LYST: variants seen among roughly 807,000 people sequenced by gnomAD.
LYST encodes lysosomal-trafficking regulator.
A neutral mutation model predicts 413.6 loss-of-function variants in LYST; 192 were observed. That is an observed-to-expected ratio of 0.46 (90% CI 0.41 to 0.52). The LOEUF (loss-of-function observed/expected upper bound fraction) is 0.52, where lower values mean the gene tolerates loss of function less well. Among genes scored for constraint, LYST ranks in the 20% least tolerant of loss-of-function variants. The pLI, the probability that LYST is intolerant of heterozygous loss-of-function variation, is 0.00. For missense variants in LYST, 3,815 were observed against 4,499.9 expected (o/e 0.85, Z 4.35); for synonymous variants, 1,525 against 1,567.3 (o/e 0.97, Z 0.64).
Position 235,833,607 on chromosome 1 carries a change from A to T in LYST, c.-37T>A, listed in dbSNP as rs1405104297. On this transcript the variant is annotated 5_prime_UTR_variant, in exon 2 of 53. Coordinates refer to ENST00000389793, the MANE Select transcript of LYST (RefSeq NM_000081.4). ...CTTTCACCACTGCTGTGACATTTAC[A>T]GTCTATATCATTTGGACTCATAAAC... The T allele has an allele frequency of 1.1e-6, 1 of 936,708 alleles. No individual in the cohort carries two copies. The highest frequency in any genetic ancestry group is 1.3e-6 in the Non-Finnish European group (1 of 785,538). 58.0% of individuals were successfully genotyped at this position (936,708 alleles called of 1,614,324 possible).
At chr1:235,751,491 T>C (rs2103307408) in intron 27 of LYST, 129 bp from the exon 28 acceptor site, 1 of 762,576 alleles carries the variant, frequency 1.3e-6, no homozygotes, top group Non-Finnish European at 2.2e-6. Context: ...ATGGGGATGA[T>C]GGTAGTAGAC....
intron 34 of LYST, 146 bp from the exon 35 acceptor site, chr1:235,731,323 T>C (rs1481733308): frequency 3.0e-5 from 22 of 730,714 alleles, no homozygotes; most frequent in Non-Finnish European, 4.5e-5. Flanking sequence ...GATCAGGGAA[T>C]GCATATACAA....
chr1:235,824,259 CCA>C (rs1268142267), intron 3 of LYST, among the ~76,000 whole-genome samples: 1 of 152,136 alleles, frequency 6.6e-6, no homozygotes, highest in Non-Finnish European at 1.5e-5. Flanking sequence ...TATAAAACAT[CCA>C]CAGAGTGCAA....
In LYST at chr1:235,693,359, T is replaced by C. The variant is rs1268471158; in HGVS notation, c.10692A>G (p.Gln3564=). 3.1e-6 allele frequency: 5 copies of C among 1,606,580 alleles called. No individual in the cohort carries two copies. Among genetic ancestry groups the C allele is most frequent in the African/African-American group, 1.3e-5 (1 of 74,790 alleles). Residue 3564 remains glutamine (Q), a synonymous_variant, in exon 47 of 53, where the codon CAA becomes CAG. Coordinates refer to ENST00000389793, the MANE Select transcript of LYST (RefSeq NM_000081.4). The part of the protein sequence containing the change: ...EPPVNFIQSS[Q]QYQVTSCAWV... ...AAAATAAAGTGTTTACCTGGTACTG[T>C]TGTGAACTTTGAATAAAGTTTACTG... is the stretch of plus-strand genomic sequence containing the variant.
intron 28 of LYST, chr1:235,747,260 G>C (rs1242446650): frequency 1.1e-5 from 5 of 453,652 alleles, no homozygotes; most frequent in Admixed American, 2.4e-5. Flanking sequence ...AAGGGCATCG[G>C]AAGTTGACCA....
At chr1:235,782,749 A>T (rs373073426) in intron 14 of LYST, among the ~76,000 whole-genome samples, 2 of 152,312 alleles carry the variant, frequency 1.3e-5, no homozygotes, top group East Asian at 1.9e-4. Flanking sequence ...TCCCATCTTG[A>T]CAAACAATTC....
In LYST at chr1:235,818,038, T is replaced by C. The variant is rs186062982; in HGVS notation, c.193-4977A>G. Among the ~76,000 whole-genome samples, 195 of 152,318 alleles carry C rather than the reference T, an allele frequency of 1.3e-3. 4 individuals are homozygous for C. The highest frequency in any genetic ancestry group is 1.0e-3 in the Non-Finnish European group (69 of 68,024). ...ATACACACATGTCAATTTTGCAATG[T>C]ACATCTTTCCAGAAATTTGTCATTT... On this transcript the variant is annotated intron_variant, in intron 3 of 52. Transcript: ENST00000389793.
intron 39 of LYST, among the ~76,000 whole-genome samples, chr1:235,722,306 G>T (rs535485059): frequency 6.6e-6 from 1 of 152,296 alleles, no homozygotes; most frequent in Admixed American, 6.5e-5. Context: ...AGGATTCTGA[G>T]CAGAGAAAAG....
At chr1:235,727,128 T>TC (rs1183882008) in intron 38 of LYST, among the ~76,000 whole-genome samples, 1 of 149,930 alleles carries the variant, frequency 6.7e-6, no homozygotes, top group Non-Finnish European at 1.5e-5. Flanking sequence ...TTCTTTCTTT[T>TC]TTTTTTTTTT....
Position 235,809,081 on chromosome 1 carries a change from G to C in LYST, c.1737C>G (p.Asn579Lys), listed in dbSNP as rs771845910. The change falls in exon 5 of 53, where the codon AAC (asparagine) becomes AAG (lysine). Residue 579 changes from asparagine to lysine, a missense_variant. Physicochemically the swap from Asn to Lys is moderately conservative, Grantham distance 94. This residue lies in a region of LYST where 1,648 missense variants were observed against 1,810.3 expected (regional missense o/e 0.91). Transcript: ENST00000389793. This position sits in a 1 kb window ranked among gnomAD's most constrained non-coding sequence, Gnocchi z 4.0. ...TCVQILSGVHNIGICCCMDPK... is the reference protein window; with the variant it reads ...TCVQILSGVHKIGICCCMDPK... ...GATCCATACAACAGCATATTCCAATGTTATGAACACCCGATAGGATCTGGA... is the reference window on the plus strand; with the variant it reads ...GATCCATACAACAGCATATTCCAATCTTATGAACACCCGATAGGATCTGGA... The C allele has an allele frequency of 1.2e-6, 2 of 1,613,996 alleles. No individual in the cohort carries two copies. Among genetic ancestry groups the C allele is most frequent in the Non-Finnish European group, 1.7e-6 (2 of 1,180,004 alleles).
intron 30 of LYST, among the ~76,000 whole-genome samples, chr1:235,742,301 G>A (rs953555584): frequency 1.3e-5 from 2 of 151,566 alleles, no homozygotes; most frequent in African/African-American, 2.4e-5. Flanking sequence ...CTAAAAATAC[G>A]AAAATTGGCT....
intron 50 of LYST, among the ~76,000 whole-genome samples, chr1:235,673,139 C>T (rs1659085721): frequency 6.6e-6 from 1 of 152,142 alleles, no homozygotes; most frequent in Non-Finnish European, 1.5e-5. Context: ...AAGCACTGCC[C>T]TCTTCAAAGC....
At chr1:235,781,164 T>C in intron 15 of LYST, 109 bp from the exon 16 acceptor site, 1 of 727,480 alleles carries the variant, frequency 1.4e-6, no homozygotes, top group Non-Finnish European at 2.4e-6. Context: ...TTTCAGTTGT[T>C]CACTATATTT....
At chr1:235,778,398 G>A (rs537701917) in intron 16 of LYST, among the ~76,000 whole-genome samples, 16 of 150,198 alleles carry the variant, frequency 1.1e-4, no homozygotes, top group African/African-American at 2.9e-4. Context: ...TTTCCGAGAC[G>A]GAGTCTTGCT....
chr1:235,757,299 T>G lies in LYST; in HGVS notation c.7041A>C (p.Ile2347=). ...CCCTTACTTTAATAACACCTTGTTG[T>G]ATAGCTGGTGATGGGTGGTTAACGA... ...LVLVNHPSPA[I]QQGVIKLLDA... Residue 2347 remains isoleucine, a synonymous_variant, in exon 24 of 53, where the codon ATA becomes ATC. Coordinates refer to ENST00000389793, the MANE Select transcript of LYST (RefSeq NM_000081.4). 6.2e-7 allele frequency: 1 copy of G among 1,613,248 alleles called. No individual in the cohort carries two copies. The highest frequency in any genetic ancestry group is 8.5e-7 in the Non-Finnish European group (1 of 1,179,396).
rs1667714999 is a variant in LYST at position 235,762,730 on chromosome 1, T to C, written c.6243A>G (p.Ser2081=). Residue 2081 remains serine, a synonymous_variant, in exon 22 of 53, where the codon TCA becomes TCG. Coordinates refer to ENST00000389793, the MANE Select transcript of LYST (RefSeq NM_000081.4). ...TATTGCTATTTTTACCTTCATATGG[T>C]GAAGCAGTAAAACCAGATGGGCTTA... ...MVISPSGFTA[S]PYEGENSSNI... The C allele has an allele frequency of 4.3e-6, 7 of 1,613,378 alleles. No homozygotes were observed. Among genetic ancestry groups the C allele is most frequent in the Non-Finnish European group, 5.9e-6 (7 of 1,179,478 alleles).
chr1:235,814,572 G>A (rs1008186643), intron 3 of LYST, among the ~76,000 whole-genome samples: 1 of 152,156 alleles, frequency 6.6e-6, no homozygotes, highest in Admixed American at 6.5e-5. Context: ...AGTCAGCAGG[G>A]CCAAAGCTGT....
At chr1:235,682,801 T>C (rs572830190) in intron 48 of LYST, among the ~76,000 whole-genome samples, 2 of 152,356 alleles carry the variant, frequency 1.3e-5, no homozygotes, top group South Asian at 4.1e-4. Flanking sequence ...TTTATTTTTT[T>C]CCACACATGC....
chr1:235,715,891 A>T (rs955012433), intron 41 of LYST, among the ~76,000 whole-genome samples: 22 of 151,682 alleles, frequency 1.5e-4, no homozygotes, highest in Admixed American at 1.3e-4. Context: ...GAATATGGTG[A>T]TTTTTCACTA....
Sources: allele counts gnomAD v4.1 joint callset (sites outside exome capture counted in the v4.1 genomes callset), GRCh38; gene constraint gnomAD v4.1.1; regional missense constraint gnomAD v4.1.1; non-coding constraint Gnocchi (gnomAD v3.1); transcripts MANE v1.5; gene names NCBI Gene and HGNC (gene_info 2026-07-23, HGNC 2026-07-21).